Variants in WDFY4 observed in about 807,000 individuals in gnomAD.
WDFY4 encodes the protein WDFY family member 4, also known as WD repeat- and FYVE domain-containing protein 4.
In WDFY4, 169 loss-of-function variants were observed where a neutral mutation model predicts 351.9. That is an observed-to-expected ratio of 0.48 (90% CI 0.42 to 0.55). The LOEUF is 0.55. Among genes scored for constraint, WDFY4 ranks in the 20% least tolerant of loss-of-function variants. WDFY4 has a pLI of 0.00. For missense variants in WDFY4, 3,803 were observed against 3,935.6 expected (o/e 0.97, Z 0.90); for synonymous variants, 1,622 against 1,574.6 (o/e 1.03, Z -0.71).
At chr10:48,818,891 C>A (rs903577978) in intron 32 of WDFY4, among the ~76,000 whole-genome samples, 4 of 152,230 alleles carry the variant, frequency 2.6e-5, no homozygotes, top group African/African-American at 9.6e-5. Context: ...GAGGCGCAGG[C>A]AGCCTGGCCA....
chr10:48,924,939 A>G (rs777495978), intron 47 of WDFY4, among the ~76,000 whole-genome samples: 4 of 152,246 alleles, frequency 2.6e-5, no homozygotes, highest in Non-Finnish European at 4.4e-5. Context: ...CAATCTTACA[A>G]TAATAATTTC....
intron 2 of WDFY4, among the ~76,000 whole-genome samples, chr10:48,718,867 A>C (rs1250941237): frequency 6.6e-6 from 1 of 152,246 alleles, no homozygotes. Context: ...TGGCATTCCA[A>C]ACAGAATTTT....
chr10:48,802,732 T>C lies in WDFY4; in HGVS notation c.4411-554T>C, dbSNP rs1459093024. 4.5e-5 allele frequency: 21 copies of C among 471,220 alleles called. 1 individual carries two copies. Among genetic ancestry groups the C allele is most frequent in the South Asian group, 2.9e-4 (19 of 64,578 alleles). 29.2% of individuals were successfully genotyped at this position (471,220 alleles called of 1,614,324 possible). A position where few individuals can be genotyped will look rare whatever the true frequency, so the allele number is the denominator to read the frequency against. On this transcript the variant is annotated intron_variant, in intron 24 of 61. Coordinates refer to ENST00000325239, the MANE Select transcript of WDFY4 (RefSeq NM_001394531.1). ...CTTTGTTTCACTTACAATTTTGTCA[T>C]GCATGAGATGACACTGTGGTTTGGG...
At chr10:48,811,355 C>G (rs1439121666) in intron 29 of WDFY4, among the ~76,000 whole-genome samples, 184 bp from the exon 30 acceptor site, 2 of 152,192 alleles carry the variant, frequency 1.3e-5, no homozygotes, top group Non-Finnish European at 2.9e-5. Flanking sequence ...ATGAGCATGT[C>G]AGGAACAGCA....
chr10:48,761,338 G>T (rs549895738), intron 13 of WDFY4, among the ~76,000 whole-genome samples: 1 of 152,188 alleles, frequency 6.6e-6, no homozygotes, highest in Non-Finnish European at 1.5e-5. Flanking sequence ...CAGATTTTGC[G>T]TGAAAAACAT....
chr10:48,932,827 G>T (rs2133695051), intron 47 of WDFY4, among the ~76,000 whole-genome samples: 1 of 152,246 alleles, frequency 6.6e-6, no homozygotes. Flanking sequence ...TTCTGAGAAA[G>T]CGACATCTGA....
rs117471075 is a variant in WDFY4, at chr10:48,749,293, C to T, written c.2459+5745C>T. Among the ~76,000 whole-genome samples the T allele has an allele frequency of 1.4e-3, 220 of 151,972 alleles. 6 individuals carry two copies. The East Asian group carries it at 0.025, about 17-fold the overall frequency. ...AACATGCACCATACCAAATAAACAC[C>T]CCTACACCAAACACACTATATACAC... On this transcript the variant is annotated intron_variant, in intron 12 of 61. Coordinates refer to ENST00000325239, the MANE Select transcript of WDFY4 (RefSeq NM_001394531.1).
chr10:48,897,626 G>A, intron 45 of WDFY4, 52 bp downstream of exon 45: 1 of 1,529,412 alleles, frequency 6.5e-7, no homozygotes, highest in East Asian at 2.5e-5. Flanking sequence ...GCAGGGCCAT[G>A]GGACAGGTGG....
intron 36 of WDFY4, among the ~76,000 whole-genome samples, chr10:48,828,046 A>T (rs2068063763): frequency 6.6e-6 from 1 of 152,188 alleles, no homozygotes; most frequent in African/African-American, 2.4e-5. Flanking sequence ...AGAAATTTCA[A>T]ACATGGGCAT....
At chr10:48,810,036 C>A (rs895685123) in intron 28 of WDFY4, among the ~76,000 whole-genome samples, 1 of 147,430 alleles carries the variant, frequency 6.8e-6, no homozygotes, top group Non-Finnish European at 1.5e-5. Flanking sequence ...TTGAAAGTGA[C>A]GTTAATCATG....
At position 48,817,404 on chromosome 10, in the gene WDFY4, C is replaced by A. The variant is rs1408493385; in HGVS notation, c.5500C>A (p.Gln1834Lys). The change falls in exon 32 of 62, where the codon CAA (glutamine) becomes AAA (lysine). Residue 1834 changes from glutamine to lysine, a missense_variant. Gln to Lys is a moderately conservative substitution (Grantham distance 53). Transcript: ENST00000325239. ...CATAGCCGCCTTCCCCCTGGGAGCC[C>A]AAAAGGTAGGACATGCTGCTGTCCC... ...LAIAAFPLGA[Q>K]KGVGAESTRN... is the part of the protein sequence containing the mutation. 20 of 1,549,710 alleles carry A rather than the reference C, an allele frequency of 1.3e-5. No homozygotes were observed. The East Asian group carries it at 4.9e-4, about 38-fold the overall frequency.
intron 40 of WDFY4, among the ~76,000 whole-genome samples, chr10:48,868,264 G>A (rs2069625921): frequency 6.6e-6 from 1 of 152,218 alleles, no homozygotes; most frequent in Non-Finnish European, 1.5e-5. Flanking sequence ...TAGCAACATA[G>A]CCTCCCAGGC....
chr10:48,715,839 C>T (rs948857351), intron 2 of WDFY4, among the ~76,000 whole-genome samples: 24 of 148,618 alleles, frequency 1.6e-4, no homozygotes, highest in African/African-American at 5.2e-4. Flanking sequence ...TTAGTAGAGA[C>T]GGGGTTTCAC....
Position 48,743,008 on chromosome 10 carries a change from C to T in WDFY4, c.1919C>T (p.Ala640Val). The part of the protein sequence containing the change: ...RILVTPKGRA[A>V]FRVSSGFNGL... The stretch of plus-strand genomic sequence containing the variant: ...CTGGTGACCCCCAAGGGTCGTGCTG[C>T]CTTCAGAGTCTCCAGCGGGTTCAAC... Residue 640 changes from alanine to valine, a missense_variant, in exon 12 of 62, where the codon GCC (alanine) becomes GTC (valine). Transcript: ENST00000325239. 6.4e-7 allele frequency: 1 copy of T among 1,551,134 alleles called. No homozygotes were observed. Among genetic ancestry groups the T allele is most frequent in the Non-Finnish European group, 8.7e-7 (1 of 1,146,944 alleles).
intron 47 of WDFY4, among the ~76,000 whole-genome samples, chr10:48,939,196 C>CCA (rs1393565823): frequency 1.3e-5 from 2 of 152,194 alleles, no homozygotes; most frequent in Non-Finnish European, 2.9e-5. Flanking sequence ...GAAGCAGGCC[C>CCA]CACTCTGCCA....
chr10:48,804,728 T>C (rs2067196320), intron 25 of WDFY4: 1 of 984,934 alleles, frequency 1.0e-6, no homozygotes, highest in Non-Finnish European at 1.2e-6. Context: ...GCTGTTTTCT[T>C]TGGGGGAGTA....
intron 47 of WDFY4, chr10:48,913,500 T>C: frequency 6.2e-7 from 1 of 1,613,852 alleles, no homozygotes; most frequent in Non-Finnish European, 8.5e-7. Flanking sequence ...ATTCAGGTTG[T>C]CCCGGGCGTT....
chr10:48,893,461 G>A (rs1357620006), intron 44 of WDFY4, among the ~76,000 whole-genome samples: 1 of 152,208 alleles, frequency 6.6e-6, no homozygotes, highest in Non-Finnish European at 1.5e-5. Context: ...GGGAACCTAA[G>A]TCATCCAACA....
At position 48,780,073 on chromosome 10, in the gene WDFY4, G is replaced by A. The variant is rs1216881993; in HGVS notation, c.3530G>A (p.Cys1177Tyr). 6 of 1,551,912 alleles carry A rather than the reference G, an allele frequency of 3.9e-6. No homozygotes were observed. The highest frequency in any genetic ancestry group is 2.0e-5 in the Admixed American group (1 of 50,990). Residue 1177 changes from cysteine to tyrosine, a missense_variant, in exon 19 of 62, where the codon TGT (cysteine) becomes TAT (tyrosine). Transcript: ENST00000325239. ...VVVTKEMKRHCTVSTCLDGQV... is the reference protein window; with the variant it reads ...VVVTKEMKRHYTVSTCLDGQV... ...GTCACTAAGGAAATGAAAAGGCATT[G>A]TACAGTTTCCACCTGTCTGGATGGA...
Sources: allele counts gnomAD v4.1 joint callset (sites outside exome capture counted in the v4.1 genomes callset), GRCh38; gene constraint gnomAD v4.1.1; transcripts MANE v1.5; gene names NCBI Gene and HGNC (gene_info 2026-07-23, HGNC 2026-07-21).